AP3D1: variants seen among roughly 807,000 people sequenced by gnomAD.
The protein encoded by AP3D1 is AP-3 complex subunit delta-1.
AP3D1 carries 51 observed loss-of-function variants against 147.6 expected under a neutral mutation model. The observed-to-expected ratio is 0.35, with a 90% CI of 0.28 to 0.44. The LOEUF (loss-of-function observed/expected upper bound fraction) is 0.44, where lower values mean the gene tolerates loss of function less well. Ranked by LOEUF, AP3D1 falls within the 20% of genes least tolerant of loss-of-function variation. The pLI, the probability that AP3D1 is intolerant of heterozygous loss-of-function variation, is 1.00. For synonymous variants in AP3D1, 760 were observed against 663.0 expected (o/e 1.15, Z -2.25); for missense variants, 1,421 against 1,624.2 (o/e 0.87, Z 2.15).
At chr19:2,108,912 G>T in intron 30 of AP3D1, 146 bp from the exon 31 acceptor site, 1 of 1,301,772 alleles carries the variant, frequency 7.7e-7, no homozygotes, top group Non-Finnish European at 1.0e-6. Flanking sequence ...GAGGCCTGGG[G>T]TGTGGGGAAT....
At position 2,118,582 on chromosome 19, in the gene AP3D1, A is replaced by G; in HGVS notation, c.1713+19T>C. 2 of 1,598,156 alleles carry G rather than the reference A, an allele frequency of 1.3e-6. No homozygotes were observed. On this transcript the variant is annotated intron_variant, in intron 15 of 31. Coordinates refer to ENST00000643116, the MANE Select transcript of AP3D1 (RefSeq NM_001261826.3). ...AGGGCTCCCTGAGGCTCGGCCCAAC[A>G]CGGAGTGTTGGATCTTACCCGCTCC... is the stretch of plus-strand genomic sequence containing the variant.
At position 2,129,463 on chromosome 19, in the gene AP3D1, G is replaced by A. The variant is rs781479701; in HGVS notation, c.593-6C>T. ...GACGGCAGCCGACTGAACCCCTGGGGAACAAGGGGTTCTCATCAGCATGCC... is the reference window on the plus strand; with the variant it reads ...GACGGCAGCCGACTGAACCCCTGGGAAACAAGGGGTTCTCATCAGCATGCC... On this transcript the variant is annotated splice_region_variant and splice_polypyrimidine_tract_variant and intron_variant, in intron 6 of 31. Transcript: ENST00000643116. 1.1e-5 allele frequency: 17 copies of A among 1,612,828 alleles called. No individual in the cohort carries two copies. In the Admixed American group the frequency reaches 2.8e-4, roughly 27 times the overall value.
intron 1 of AP3D1, among the ~76,000 whole-genome samples, chr19:2,146,910 G>A (rs992190510): frequency 1.3e-5 from 2 of 152,206 alleles, no homozygotes; most frequent in Admixed American, 6.5e-5. Flanking sequence ...GCACGGAGTG[G>A]GTGGGGGCGG....
intron 11 of AP3D1, among the ~76,000 whole-genome samples, 180 bp downstream of exon 11, chr19:2,123,178 C>T (rs1599463983): frequency 2.0e-5 from 3 of 152,164 alleles, no homozygotes; most frequent in South Asian, 4.1e-4. Context: ...GCAGATAGGT[C>T]GGGGTGCAAG....
Position 2,116,461 on chromosome 19 carries a change from G to T in AP3D1, c.2001+144C>A, listed in dbSNP as rs1054147373. 5 of 1,260,280 alleles carry T rather than the reference G, an allele frequency of 4.0e-6. No homozygotes were observed. The Middle Eastern group carries it at 1.0e-3, about 253-fold the overall frequency. The allele number at this position is 1,260,280 out of a possible 1,614,324, so 78.1% of individuals were successfully genotyped here. A position where few individuals can be genotyped will look rare whatever the true frequency, so the allele number is the denominator to read the frequency against. ...AGCACGTATTGGGGGAAAAGGAATC[G>T]CTAACGCTCTGGGAGGCAGGGACGC... On this transcript the variant is annotated intron_variant, in intron 17 of 31. Transcript: ENST00000643116.
At chr19:2,112,179 G>A (rs926732870) in intron 24 of AP3D1, 3 of 314,768 alleles carry the variant, frequency 9.5e-6, no homozygotes, top group South Asian at 4.1e-5. Flanking sequence ...CGCGCACTGC[G>A]CAGATGTTCA....
At position 2,101,981 on chromosome 19, in the gene AP3D1, C is replaced by CA; in HGVS notation, c.*191dup. On this transcript the variant is annotated 3_prime_UTR_variant, in exon 32 of 32. Coordinates refer to ENST00000643116, the MANE Select transcript of AP3D1 (RefSeq NM_001261826.3). ...TCTTGCCAAAGAGAATGGGAAGAGT[C>CA]ACAGTAAAAAAGGATGGTCAGATAA... is the stretch of plus-strand genomic sequence containing the variant. 1.8e-6 allele frequency: 1 copy of CA among 570,768 alleles called. No homozygotes were observed. The highest frequency in any genetic ancestry group is 3.1e-6 in the Non-Finnish European group (1 of 323,790). The allele number at this position is 570,768 out of a possible 1,614,324, so 35.4% of individuals were successfully genotyped here. A position where few individuals can be genotyped will look rare whatever the true frequency, so the allele number is the denominator to read the frequency against.
chr19:2,138,436 T>C (rs2019132933), intron 2 of AP3D1, among the ~76,000 whole-genome samples, 183 bp downstream of exon 2: 1 of 152,198 alleles, frequency 6.6e-6, no homozygotes, highest in Admixed American at 6.5e-5. Context: ...TCTGGCCTGT[T>C]TGCCAGCCAT....
At chr19:2,127,106 C>A (rs1360950865) in intron 9 of AP3D1, 46 bp downstream of exon 9, 2 of 1,600,430 alleles carry the variant, frequency 1.2e-6, no homozygotes, top group Non-Finnish European at 1.7e-6. Flanking sequence ...GAGACCCCAG[C>A]CTGGCAGTGC....
At chr19:2,154,557 G>A (rs1431745200), upstream of AP3D1, among the ~76,000 whole-genome samples, 1 of 152,168 alleles carries the variant, frequency 6.6e-6, no homozygotes, top group East Asian at 1.9e-4. Context: ...GAATACAGTC[G>A]TGAGCCACCA....
chr19:2,114,802 T>C lies in AP3D1; in HGVS notation c.2369A>G (p.Glu790Gly). The change falls in exon 21 of 32, where the codon GAG becomes GGG. Residue 790 changes from glutamate to glycine, a missense_variant. By Grantham distance (98) the Glu-to-Gly change is moderately conservative. Around this residue, in one of 6 missense-constraint regions of AP3D1, gnomAD observed 791 missense variants for 761.4 expected, o/e 1.04. Coordinates refer to ENST00000643116, the MANE Select transcript of AP3D1 (RefSeq NM_001261826.3). Reference protein sequence around the residue: ...EMPENALPSDEDDKDPNDPYR... With the variant: ...EMPENALPSDGDDKDPNDPYR... ...GGGGTCGTTGGGGTCTTTGTCATCC[T>C]CGTCGCTGGGCAGAGCATTCTGACA... 2 of 1,614,076 alleles carry C rather than the reference T, an allele frequency of 1.2e-6. No homozygotes were observed. The highest frequency in any genetic ancestry group is 1.7e-6 in the Non-Finnish European group (2 of 1,179,960).
Position 2,130,541 on chromosome 19 carries a change from C to T in AP3D1, c.463-4G>A, listed in dbSNP as rs192634153. 5.3e-4 allele frequency: 861 copies of T among 1,613,622 alleles called. 7 individuals carry two copies. The African/African-American group carries it at 0.01, about 19-fold the overall frequency. On this transcript the variant is annotated splice_polypyrimidine_tract_variant and splice_region_variant and intron_variant, in intron 5 of 31. Transcript: ENST00000643116. ...TGTAGGGCTTGGTGTGTGACATCTGCGGGGCAGCGGGCTTCAGCCTGCGCG... is the reference window on the plus strand; with the variant it reads ...TGTAGGGCTTGGTGTGTGACATCTGTGGGGCAGCGGGCTTCAGCCTGCGCG...
upstream of AP3D1, chr19:2,164,594 G>T: frequency 6.3e-6 from 1 of 159,808 alleles, no homozygotes; most frequent in Non-Finnish European, 1.1e-5. Context: ...AAGCCCGCCC[G>T]CCCGCCCCGC....
At chr19:2,147,345 CAAAAA>C (rs71176517) in intron 1 of AP3D1, among the ~76,000 whole-genome samples, 1 of 80,268 alleles carries the variant, frequency 1.2e-5, no homozygotes, top group Non-Finnish European at 2.3e-5. Context: ...AACTCTGTCT[CAAAAA>C]AAAAAAAAAA....
intron 4 of AP3D1, 64 bp from the exon 5 acceptor site, chr19:2,132,642 C>A: frequency 7.0e-7 from 1 of 1,437,238 alleles, no homozygotes; most frequent in South Asian, 1.2e-5. Context: ...ACGCCTGGGT[C>A]ACCAGGAGCA....
chr19:2,114,491 C>A (rs1462166887), intron 21 of AP3D1, among the ~76,000 whole-genome samples, 189 bp from the exon 22 acceptor site: 1 of 152,150 alleles, frequency 6.6e-6, no homozygotes, highest in Non-Finnish European at 1.5e-5. Context: ...CTGTGGTGGC[C>A]ACACCCTGCC....
chr19:2,129,417 G>C lies in AP3D1; in HGVS notation c.633C>G (p.Ala211=). Residue 211 remains alanine, a synonymous_variant, in exon 7 of 32, where the codon GCC becomes GCG. Coordinates refer to ENST00000643116, the MANE Select transcript of AP3D1 (RefSeq NM_001261826.3). ...ACAGGTAGTTCTTAGGGTTGCGTCT[G>C]GCCAGCTCGCAGATGACATTGACGG... is the stretch of plus-strand genomic sequence containing the variant. ...SAAVNVICEL[A]RRNPKNYLSL... is the part of the protein sequence containing the mutation. 1 of 1,614,092 alleles carries C rather than the reference G, an allele frequency of 6.2e-7. No homozygotes were observed. Among genetic ancestry groups the C allele is most frequent in the South Asian group, 1.1e-5 (1 of 91,084 alleles).
chr19:2,109,725 C>G (rs1014611757), intron 29 of AP3D1, 148 bp downstream of exon 29: 1 of 743,862 alleles, frequency 1.3e-6, no homozygotes, highest in Non-Finnish European at 2.3e-6. Context: ...CACCAGGCAG[C>G]CTGACCTGCA....
chr19:2,115,138 A>G lies in AP3D1; in HGVS notation c.2349+81T>C, dbSNP rs997163781. ...CCAGCCACCAACGAAGACCATGGGG[A>G]GAGGCCACTGTGCATGGCCCCAGGA... On this transcript the variant is annotated intron_variant, in intron 20 of 31. Coordinates refer to ENST00000643116, the MANE Select transcript of AP3D1 (RefSeq NM_001261826.3). The G allele has an allele frequency of 2.9e-6, 4 of 1,403,316 alleles. No individual in the cohort carries two copies. The African/African-American group carries it at 5.7e-5, about 20-fold the overall frequency. 86.9% of individuals were successfully genotyped at this position (1,403,316 alleles called of 1,614,324 possible). A position where few individuals can be genotyped will look rare whatever the true frequency, so the allele number is the denominator to read the frequency against.
Sources: gnomAD v4.1 joint callset for allele counts (sites outside exome capture counted in the v4.1 genomes callset) on GRCh38, gnomAD v4.1.1 for gene constraint, gnomAD v4.1.1 regional missense constraint, MANE v1.5 for transcripts, NCBI Gene and HGNC (gene_info 2026-07-23, HGNC 2026-07-21) for gene names.